The following TEAD4 variants were observed in gnomAD, a reference collection of about 807,000 sequenced individuals.
TEAD4 encodes the protein transcriptional enhancer factor TEF-3.
In TEAD4, 36 loss-of-function variants were observed where a neutral mutation model predicts 52.4. The observed-to-expected ratio is 0.69, with a 90% CI of 0.53 to 0.91. The LOEUF (loss-of-function observed/expected upper bound fraction) is 0.91. Among genes scored for constraint, TEAD4 ranks in the 40% least tolerant of loss-of-function variants. The pLI, the probability that TEAD4 is intolerant of heterozygous loss-of-function variation, is 0.00. For missense variants in TEAD4, 508 were observed against 583.9 expected, an observed-to-expected ratio of 0.87 and a Z score of 1.34; for synonymous variants, 220 against 231.0, an observed-to-expected ratio of 0.95 and a Z score of 0.43.
chr12:3,016,394 G>A (rs892946008), intron 5 of TEAD4, among the ~76,000 whole-genome samples: 1 of 152,176 alleles, frequency 6.6e-6, no homozygotes, highest in Non-Finnish European at 1.5e-5. Flanking sequence ...CGATAAAGCT[G>A]CAGACAGTGA....
chr12:2,982,555 A>G (rs983851643), intron 2 of TEAD4, among the ~76,000 whole-genome samples: 1 of 152,158 alleles, frequency 6.6e-6, no homozygotes, highest in Admixed American at 6.5e-5. Context: ...ACCCCATTCC[A>G]TGAGCCGCAG....
chr12:2,968,955 CTG>C (rs1375387186), intron 2 of TEAD4, among the ~76,000 whole-genome samples: 7 of 152,054 alleles, frequency 4.6e-5, no homozygotes, highest in African/African-American at 1.7e-4. Context: ...TGTGCTGGGC[CTG>C]TGAGTGTCTT....
At chr12:3,017,087 G>A (rs955510771) in intron 5 of TEAD4, 4 of 515,196 alleles carry the variant, frequency 7.8e-6, no homozygotes, top group African/African-American at 3.8e-5. Context: ...AGGCACCTGT[G>A]GTAGAGAGGT....
chr12:2,985,599 G>A (rs1279268302), intron 2 of TEAD4, among the ~76,000 whole-genome samples: 1 of 137,706 alleles, frequency 7.3e-6, no homozygotes, highest in East Asian at 2.3e-4. Context: ...TCCGCCTCCC[G>A]GGTTTAAGCG....
At chr12:2,997,387 G>T (rs1022585396) in intron 3 of TEAD4, among the ~76,000 whole-genome samples, 6 of 152,176 alleles carry the variant, frequency 3.9e-5, no homozygotes, top group Non-Finnish European at 7.3e-5. Context: ...TGTGTGTGGA[G>T]CACCTGGGGG....
chr12:3,009,953 T>TC (rs1484696956), intron 3 of TEAD4, among the ~76,000 whole-genome samples: 13 of 152,288 alleles, frequency 8.5e-5, no homozygotes, highest in Admixed American at 3.9e-4. Flanking sequence ...GGCAGCCCAC[T>TC]CCCCTCACCT....
At chr12:2,962,321 TATATAAATATAA>T (rs1375708678) in intron 2 of TEAD4, among the ~76,000 whole-genome samples, 1 of 97,422 alleles carries the variant, frequency 1.0e-5, no homozygotes, top group African/African-American at 4.8e-5. Context: ...TATAAATATA[TATATAAATATAA>T]ATATATATAT....
chr12:2,984,906 A>G (rs1026555178), intron 2 of TEAD4, among the ~76,000 whole-genome samples: 1 of 152,176 alleles, frequency 6.6e-6, no homozygotes, highest in African/African-American at 2.4e-5. Flanking sequence ...GAGTGAATGT[A>G]TGCTACTGTA....
At chr12:3,019,071 T>G in intron 7 of TEAD4, 44 bp from the exon 8 acceptor site, 1 of 1,611,172 alleles carries the variant, frequency 6.2e-7, no homozygotes, top group Non-Finnish European at 8.5e-7. Context: ...TCCGGGGCGG[T>G]GGCCTGCCCG....
chr12:3,020,206 C>G (rs1444104433), intron 8 of TEAD4, among the ~76,000 whole-genome samples: 1 of 152,232 alleles, frequency 6.6e-6, no homozygotes, highest in Non-Finnish European at 1.5e-5. Context: ...ACATGTGATG[C>G]AAACAGGAAA....
chr12:3,020,837 G>C, intron 9 of TEAD4, 64 bp downstream of exon 9: 1 of 1,467,184 alleles, frequency 6.8e-7, no homozygotes, highest in Non-Finnish European at 9.1e-7. Flanking sequence ...TTCTGCTTCC[G>C]GCAGTCTTGC....
At chr12:3,019,293 A>T (rs2098266933) in intron 8 of TEAD4, 123 bp downstream of exon 8, 2 of 1,091,938 alleles carry the variant, frequency 1.8e-6, no homozygotes, top group Non-Finnish European at 2.7e-6. Flanking sequence ...ATGCACACTG[A>T]CCACACGTCC....
At chr12:3,012,862 A>G (rs1279344853) in intron 5 of TEAD4, among the ~76,000 whole-genome samples, 1 of 152,204 alleles carries the variant, frequency 6.6e-6, no homozygotes, top group Non-Finnish European at 1.5e-5. Context: ...TGAGCTCTCC[A>G]TCAGGGAGGT....
intron 5 of TEAD4, among the ~76,000 whole-genome samples, chr12:3,015,206 C>A (rs542038447): frequency 6.6e-6 from 1 of 152,280 alleles, no homozygotes; most frequent in Admixed American, 6.5e-5. Context: ...TTCCCTACTC[C>A]CCACCGCCCT....
chr12:3,011,790 C>T (rs148109309), intron 4 of TEAD4, among the ~76,000 whole-genome samples: 26 of 152,240 alleles, frequency 1.7e-4, no homozygotes, highest in African/African-American at 5.8e-4. Flanking sequence ...CTCAGCCTTC[C>T]GAGTAGCTGG....
chr12:3,023,447 T>C (rs564710331), intron 10 of TEAD4, among the ~76,000 whole-genome samples: 1 of 152,208 alleles, frequency 6.6e-6, no homozygotes, highest in South Asian at 2.1e-4. Flanking sequence ...AATCAATGCA[T>C]GTTCATGGTT....
rs2098268217 is a variant in TEAD4, at chr12:3,020,862, G to C, written c.723+89G>C. ...GGCAGTCTTGCCCCACTCCATGCTG[G>C]GGCTTAATTCAAGTTCCCTGTTCCT... On this transcript the variant is annotated intron_variant, in intron 9 of 12. Transcript: ENST00000359864. 2.2e-6 allele frequency: 3 copies of C among 1,380,762 alleles called. No homozygotes were observed. The East Asian group carries it at 8.2e-5, about 38-fold the overall frequency. 85.5% of individuals were successfully genotyped at this position (1,380,762 alleles called of 1,614,324 possible).
At chr12:3,024,023 C>T (rs1292063164) in intron 10 of TEAD4, among the ~76,000 whole-genome samples, 1 of 152,108 alleles carries the variant, frequency 6.6e-6, no homozygotes, top group Non-Finnish European at 1.5e-5. Context: ...TTTTCCCCCT[C>T]ATCATCCCAA....
At chr12:3,009,180 C>T (rs1452422887) in intron 3 of TEAD4, among the ~76,000 whole-genome samples, 1 of 152,230 alleles carries the variant, frequency 6.6e-6, no homozygotes, top group African/African-American at 2.4e-5. Context: ...GTAATCCCAG[C>T]ACTTTGGGAG....
Sources: allele counts gnomAD v4.1 joint callset (sites outside exome capture counted in the v4.1 genomes callset), GRCh38; gene constraint gnomAD v4.1.1; transcripts MANE v1.5; gene names NCBI Gene and HGNC (gene_info 2026-07-23, HGNC 2026-07-21).